The following XRN2 variants were observed in gnomAD, a reference collection of about 807,000 sequenced individuals.
The protein encoded by XRN2 is DHM1-like protein.
In XRN2, 44 loss-of-function variants were observed where a neutral mutation model predicts 138.5. The observed-to-expected ratio is 0.32, with a 90% confidence interval of 0.25 to 0.41. The LOEUF (loss-of-function observed/expected upper bound fraction) is 0.41, where lower values mean the gene tolerates loss of function less well. Among genes scored for constraint, XRN2 ranks in the 10% least tolerant of loss-of-function variants. The probability of loss-of-function intolerance (pLI) is 1.00; values close to 1 mark genes in which losing one functional copy is unlikely to be tolerated. For synonymous variants in XRN2, 354 were observed against 369.4 expected, an observed-to-expected ratio of 0.96 and a Z score of 0.48; for missense variants, 937 against 1,169.3, an observed-to-expected ratio of 0.80 and a Z score of 2.90.
chr20:21,344,742 C>A (rs2038414939), intron 16 of XRN2, among the ~76,000 whole-genome samples: 1 of 152,124 alleles, frequency 6.6e-6, no homozygotes, highest in Non-Finnish European at 1.5e-5. Context: ...AGAGGAGTTT[C>A]CCTTTAACTG....
At chr20:21,335,334 A>G (rs1403883684) in intron 13 of XRN2, among the ~76,000 whole-genome samples, 4 of 152,228 alleles carry the variant, frequency 2.6e-5, no homozygotes, top group Admixed American at 6.5e-5. Context: ...AACTGATTTT[A>G]TAAAAGTCAT....
chr20:21,303,889 C>T (rs1284037404), intron 1 of XRN2: 1 of 980,740 alleles, frequency 1.0e-6, no homozygotes, highest in Admixed American at 6.2e-5. Flanking sequence ...GATTCGGAGG[C>T]CAGCTTTTTG....
At chr20:21,334,019 A>G in intron 12 of XRN2, 25 bp downstream of exon 12, 1 of 1,614,090 alleles carries the variant, frequency 6.2e-7, no homozygotes, top group Non-Finnish European at 8.5e-7. Flanking sequence ...GAATGATTTC[A>G]AAACAGAAGT....
chr20:21,313,784 T>C (rs1368989661), intron 1 of XRN2, among the ~76,000 whole-genome samples: 1 of 152,178 alleles, frequency 6.6e-6, no homozygotes, highest in African/African-American at 2.4e-5. Flanking sequence ...TTTCATTGAG[T>C]ACTACTTTTG....
intron 24 of XRN2, among the ~76,000 whole-genome samples, chr20:21,364,089 G>A (rs966287703): frequency 5.9e-5 from 9 of 152,060 alleles, no homozygotes; most frequent in South Asian, 2.1e-4. Flanking sequence ...CCGCCACCAC[G>A]CCCAGCTAAT....
rs1600698877 is a variant in XRN2 at position 21,348,404 on chromosome 20, T to A, written c.1837T>A (p.Ser613Thr). ...TGCAAGTGGTAATTTTCTACCTCCATCATGGCGGAAGCTCATGAGTGATCC... is the reference window on the plus strand; with the variant it reads ...TGCAAGTGGTAATTTTCTACCTCCAACATGGCGGAAGCTCATGAGTGATCC... Reference protein sequence around the residue: ...PAASGNFLPPSWRKLMSDPDS... With the variant: ...PAASGNFLPPTWRKLMSDPDS... Residue 613 changes from serine to threonine, a missense_variant, in exon 19 of 30, where the codon TCA (serine) becomes ACA (threonine). Ser to Thr is a moderately conservative substitution (Grantham distance 58, BLOSUM62 1). Transcript: ENST00000377191. 1 of 1,614,158 alleles carries A rather than the reference T, an allele frequency of 6.2e-7. No homozygotes were observed. Among genetic ancestry groups the A allele is most frequent in the Non-Finnish European group, 8.5e-7 (1 of 1,179,998 alleles).
chr20:21,310,725 CT>C (rs559486147), intron 1 of XRN2, among the ~76,000 whole-genome samples: 125 of 151,476 alleles, frequency 8.3e-4, no homozygotes, highest in African/African-American at 2.8e-3. Flanking sequence ...TTGGGTCTGG[CT>C]TTTTTTTATT....
At chr20:21,308,005 C>G (rs1191130556) in intron 1 of XRN2, among the ~76,000 whole-genome samples, 1 of 74,728 alleles carries the variant, frequency 1.3e-5, no homozygotes, top group Admixed American at 1.6e-4. Context: ...GGTGCGATCT[C>G]GGCTCACTGC....
Position 21,356,755 on chromosome 20 carries a change from A to C in XRN2, c.2198+90A>C, listed in dbSNP as rs6113208. 8.3e-4 allele frequency: 895 copies of C among 1,080,756 alleles called. 10 individuals carry two copies. The African/African-American group carries it at 0.014, about 17-fold the overall frequency. The allele number at this position is 1,080,756 out of a possible 1,614,324, so 66.9% of individuals were successfully genotyped here. The stretch of plus-strand genomic sequence containing the variant: ...GTTGTCTAAATGTTTATTTTCTAAT[A>C]ATAGTGAGAAAATTGTATTTAAAAT... On this transcript the variant is annotated intron_variant, in intron 23 of 29. Transcript: ENST00000377191.
At chr20:21,322,951 C>G (rs1301451606) in intron 1 of XRN2, among the ~76,000 whole-genome samples, 1 of 152,208 alleles carries the variant, frequency 6.6e-6, no homozygotes, top group East Asian at 1.9e-4. Flanking sequence ...CACTGCACTG[C>G]CTTTCTAACC....
chr20:21,339,641 CCT>C (rs1441043304), intron 14 of XRN2, among the ~76,000 whole-genome samples: 11 of 152,248 alleles, frequency 7.2e-5, no homozygotes, highest in Non-Finnish European at 1.3e-4. Context: ...TCATTTGTAA[CCT>C]CTGAATGGAT....
intron 6 of XRN2, 56 bp from the exon 7 acceptor site, chr20:21,331,505 T>A: frequency 6.9e-7 from 1 of 1,448,718 alleles, no homozygotes; most frequent in South Asian, 1.2e-5. Flanking sequence ...TTCTTTTGAT[T>A]TTTGTGCCTA....
rs1398444233 is a variant in XRN2, at chr20:21,365,574, A to C, written c.2326A>C (p.Lys776Gln). The change falls in exon 26 of 30, where the codon AAG becomes CAG. Residue 776 changes from lysine to glutamine, a missense_variant and splice_region_variant. Lys to Gln is a moderately conservative substitution (Grantham distance 53, BLOSUM62 1). This residue lies in a region of XRN2 where 372 missense variants were observed against 414.4 expected (regional missense o/e 0.90). Coordinates refer to ENST00000377191, the MANE Select transcript of XRN2 (RefSeq NM_012255.5). Reference protein sequence around the residue: ...FKAVMLPGARKPAAVLKPSDW... With the variant: ...FKAVMLPGARQPAAVLKPSDW... ...AGTGTTGTCTTTTTAAATGGTCAGA[A>C]AGCCAGCAGCAGTACTGAAACCTAG... 6.2e-7 allele frequency: 1 copy of C among 1,613,340 alleles called. No homozygotes were observed. Among genetic ancestry groups the C allele is most frequent in the Non-Finnish European group, 8.5e-7 (1 of 1,179,890 alleles).
chr20:21,364,414 G>C (rs1219109661), intron 24 of XRN2, among the ~76,000 whole-genome samples: 2 of 152,136 alleles, frequency 1.3e-5, no homozygotes, highest in Admixed American at 6.6e-5. Context: ...CAACCTTTGG[G>C]ATAGGTAAAC....
At chr20:21,320,586 A>G (rs2122185749) in intron 1 of XRN2, among the ~76,000 whole-genome samples, 1 of 150,048 alleles carries the variant, frequency 6.7e-6, no homozygotes, top group African/African-American at 2.5e-5. Flanking sequence ...GGCGTGAGCC[A>G]CCACGCCCGG....
At chr20:21,373,833 T>C (rs1048021012) in intron 27 of XRN2, among the ~76,000 whole-genome samples, 10 of 152,348 alleles carry the variant, frequency 6.6e-5, no homozygotes, top group African/African-American at 2.4e-4. Context: ...GTTGTCTATC[T>C]TTTTGTTTTG....
intron 20 of XRN2, 61 bp from the exon 21 acceptor site, chr20:21,354,728 A>G (rs553980046): frequency 2.7e-6 from 4 of 1,490,336 alleles, no homozygotes; most frequent in East Asian, 4.5e-5. Flanking sequence ...TCGAGCAATG[A>G]TAAGTTGGAA....
chr20:21,317,435 T>C (rs114949541), intron 1 of XRN2, among the ~76,000 whole-genome samples: 45 of 152,326 alleles, frequency 3.0e-4, no homozygotes, highest in African/African-American at 9.4e-4. Flanking sequence ...CAACTAACTT[T>C]GCATTTCTAG....
At chr20:21,309,297 A>C (rs2037845966) in intron 1 of XRN2, among the ~76,000 whole-genome samples, 1 of 152,192 alleles carries the variant, frequency 6.6e-6, no homozygotes, top group Non-Finnish European at 1.5e-5. Context: ...GTTTTGTGGG[A>C]AGGCTTTAAG....
Sources: gnomAD v4.1 joint callset for allele counts (sites outside exome capture counted in the v4.1 genomes callset) on GRCh38, gnomAD v4.1.1 for gene constraint, gnomAD v4.1.1 regional missense constraint, MANE v1.5 for transcripts, NCBI Gene and HGNC (gene_info 2026-07-23, HGNC 2026-07-21) for gene names.